Variants in C12orf42 observed in about 807,000 individuals in gnomAD.
C12orf42 encodes chromosome 12 open reading frame 42, also known as uncharacterized protein C12orf42.
In C12orf42, 25 loss-of-function variants were observed where a neutral mutation model predicts 21.6. That is an observed-to-expected ratio of 1.16 (90% CI 0.84 to 1.62). C12orf42 has a LOEUF of 1.62. C12orf42 is among the 40% of genes most tolerant of loss of function. The pLI is 0.00. For synonymous variants in C12orf42, 174 were observed against 175.0 expected (o/e 0.99, Z 0.05); for missense variants, 483 against 459.3 (o/e 1.05, Z -0.47).
At chr12:103,291,108 C>G (rs980634685) in intron 4 of C12orf42, among the ~76,000 whole-genome samples, 2 of 152,088 alleles carry the variant, frequency 1.3e-5, no homozygotes, top group African/African-American at 4.8e-5. Flanking sequence ...ATTTAAACAG[C>G]AAACTTTTGT....
At chr12:103,158,874 A>T in the C12orf42 span, among the ~76,000 whole-genome samples, 1,820 of 56,134 alleles carry the variant, frequency 0.032, 21 homozygotes, top group Non-Finnish European at 0.041. Context: ...AGCAAGACTC[A>T]AAAAAAAAAA....
chr12:103,250,289 G>GT (rs1402312025), intron 10 of C12orf42, among the ~76,000 whole-genome samples: 1 of 151,986 alleles, frequency 6.6e-6, no homozygotes, highest in Non-Finnish European at 1.5e-5. Context: ...CTGTCTCTCA[G>GT]TTTTTCTCTC....
intron 2 of C12orf42, among the ~76,000 whole-genome samples, chr12:103,418,197 A>G (rs965017882): frequency 6.6e-6 from 1 of 152,194 alleles, no homozygotes; most frequent in African/African-American, 2.4e-5. Context: ...CTTTTAATGG[A>G]GTAATCCTCA....
At chr12:103,180,188 C>T in the C12orf42 span, among the ~76,000 whole-genome samples, 2 of 151,554 alleles carry the variant, frequency 1.3e-5, no homozygotes, top group African/African-American at 4.9e-5. Context: ...CAGCAAAAAG[C>T]TCTTACATAT....
the C12orf42 span, among the ~76,000 whole-genome samples, chr12:103,104,462 G>A: frequency 2.0e-5 from 3 of 152,136 alleles, no homozygotes; most frequent in Non-Finnish European, 4.4e-5. Flanking sequence ...TGTTTTTTGA[G>A]ATGGAGTCTC....
the C12orf42 span, among the ~76,000 whole-genome samples, chr12:103,132,961 C>T: frequency 6.6e-6 from 1 of 152,194 alleles, no homozygotes; most frequent in African/African-American, 2.4e-5. Context: ...GCTCACCTTC[C>T]CCTGCCTACC....
intron 4 of C12orf42, among the ~76,000 whole-genome samples, chr12:103,354,372 C>T (rs1228539448): frequency 1.3e-5 from 2 of 152,110 alleles, no homozygotes; most frequent in Non-Finnish European, 2.9e-5. Flanking sequence ...TTTCAGCCTC[C>T]CATCTGCCCA....
the C12orf42 span, among the ~76,000 whole-genome samples, chr12:103,181,272 A>T: frequency 6.6e-6 from 1 of 151,982 alleles, no homozygotes; most frequent in Non-Finnish European, 1.5e-5. Flanking sequence ...AAAAATAAAT[A>T]AATAAGTAAA....
chr12:103,152,675 T>A, the C12orf42 span, among the ~76,000 whole-genome samples: 1 of 152,116 alleles, frequency 6.6e-6, no homozygotes, highest in East Asian at 1.9e-4. Flanking sequence ...GACAATAATT[T>A]TTTTTCTTAT....
chr12:103,091,214 C>T, the C12orf42 span, among the ~76,000 whole-genome samples: 1 of 152,112 alleles, frequency 6.6e-6, no homozygotes, highest in Non-Finnish European at 1.5e-5. Flanking sequence ...ATTGAATGAT[C>T]AGCCCCCTAT....
At chr12:103,264,611 A>C (rs2035072383), downstream of C12orf42, among the ~76,000 whole-genome samples, 1 of 152,164 alleles carries the variant, frequency 6.6e-6, no homozygotes, top group Non-Finnish European at 1.5e-5. Context: ...CCAACCTGAC[A>C]TTGCCCATTC....
At chr12:103,463,087 A>T (rs1225567681) in intron 2 of C12orf42, among the ~76,000 whole-genome samples, 1 of 152,238 alleles carries the variant, frequency 6.6e-6, no homozygotes, top group Non-Finnish European at 1.5e-5. Flanking sequence ...GATCGCTCTT[A>T]AAATCAAACA....
At chr12:103,225,062 G>A in the C12orf42 span, among the ~76,000 whole-genome samples, 2 of 152,196 alleles carry the variant, frequency 1.3e-5, no homozygotes, top group African/African-American at 2.4e-5. Flanking sequence ...TACAGCCTAG[G>A]TAATTTGCTG....
At chr12:103,106,619 T>C in the C12orf42 span, among the ~76,000 whole-genome samples, 7 of 151,652 alleles carry the variant, frequency 4.6e-5, no homozygotes, top group Non-Finnish European at 1.0e-4. Flanking sequence ...AAATTATGGG[T>C]ACCCAGTAAA....
chr12:103,332,026 A>C (rs2041281489), intron 4 of C12orf42, among the ~76,000 whole-genome samples: 1 of 152,180 alleles, frequency 6.6e-6, no homozygotes, highest in Non-Finnish European at 1.5e-5. Flanking sequence ...AATTCTAGGA[A>C]ATATATAGAA....
In C12orf42 at chr12:103,312,264, A is replaced by G. The variant is rs1311517925; in HGVS notation, c.260-5919T>C. Among the ~76,000 whole-genome samples, 7 of 152,110 alleles carry G rather than the reference A, an allele frequency of 4.6e-5. No homozygotes were observed. The East Asian group carries it at 9.6e-4, about 21-fold the overall frequency. On this transcript the variant is annotated intron_variant, in intron 4 of 5. Coordinates refer to ENST00000548883, the MANE Select transcript of C12orf42 (RefSeq NM_198521.5). ...GAGAGTTTTGTTTTTCTACTACACA[A>G]TCAATGCCAGTAGTGCCAGAGGATA...
chr12:103,116,179 C>T, the C12orf42 span, among the ~76,000 whole-genome samples: 73 of 151,834 alleles, frequency 4.8e-4, no homozygotes, highest in Non-Finnish European at 9.3e-4. Flanking sequence ...CTGGGCAACA[C>T]GGTGAAACCC....
the C12orf42 span, chr12:103,168,062 A>C: frequency 2.2e-6 from 1 of 455,976 alleles, no homozygotes; most frequent in South Asian, 1.5e-5. Context: ...GAGAAACAAG[A>C]AATGATTACA....
At chr12:103,079,856 T>C in the C12orf42 span, among the ~76,000 whole-genome samples, 1 of 152,198 alleles carries the variant, frequency 6.6e-6, no homozygotes, top group African/African-American at 2.4e-5. Flanking sequence ...CTGTTACTTA[T>C]ATTTAATTGG....
Sources: allele counts gnomAD v4.1 joint callset (sites outside exome capture counted in the v4.1 genomes callset), GRCh38; gene constraint gnomAD v4.1.1; transcripts MANE v1.5; gene names NCBI Gene and HGNC (gene_info 2026-07-23, HGNC 2026-07-21).